The following IGF2R variants were observed in gnomAD, a reference collection of about 807,000 sequenced individuals.
IGF2R encodes insulin like growth factor 2 receptor.
A neutral mutation model predicts 270.6 loss-of-function variants in IGF2R; 91 were observed. That is an observed-to-expected ratio of 0.34 (90% CI 0.28 to 0.40). The LOEUF (loss-of-function observed/expected upper bound fraction) is 0.40. Ranked by LOEUF, IGF2R falls within the 10% of genes least tolerant of loss-of-function variation. The pLI is 1.00. For synonymous variants in IGF2R, 1,316 were observed against 1,258.9 expected (o/e 1.05, Z -0.96); for missense variants, 2,805 against 3,188.3 (o/e 0.88, Z 2.90).
intron 1 of IGF2R, among the ~76,000 whole-genome samples, chr6:159,975,619 G>A (rs1783679035): frequency 1.3e-5 from 2 of 149,694 alleles, no homozygotes; most frequent in South Asian, 4.2e-4. Context: ...CCAATACTAG[G>A]ACTGTGGAAG....
intron 1 of IGF2R, among the ~76,000 whole-genome samples, chr6:159,981,983 T>C (rs1172718814): frequency 5.3e-5 from 8 of 152,360 alleles, no homozygotes; most frequent in African/African-American, 1.9e-4. Context: ...TGTATCTTTG[T>C]CCACAGCTTT....
In IGF2R at chr6:160,008,970, A is replaced by G. The variant is rs762718357; in HGVS notation, c.290-40A>G. ...CTTGGAAATAGCTGTTTGGTTATGTATGTTTTATAGCCTGTTCACTCTCTT... is the reference window on the plus strand; with the variant it reads ...CTTGGAAATAGCTGTTTGGTTATGTGTGTTTTATAGCCTGTTCACTCTCTT... On this transcript the variant is annotated intron_variant, in intron 2 of 47. Coordinates refer to ENST00000356956, the MANE Select transcript of IGF2R (RefSeq NM_000876.4). 5 of 1,606,954 alleles carry G rather than the reference A, an allele frequency of 3.1e-6. No individual in the cohort carries two copies. In the Admixed American group the frequency reaches 6.7e-5, roughly 22 times the overall value.
chr6:160,008,953 T>C (rs1037211934), intron 2 of IGF2R, 57 bp from the exon 3 acceptor site: 46 of 1,562,754 alleles, frequency 2.9e-5, no homozygotes, highest in Non-Finnish European at 4.0e-5. Context: ...TCCTTGGAAA[T>C]AGCTGTTTGG....
intron 18 of IGF2R, among the ~76,000 whole-genome samples, chr6:160,048,830 CT>C (rs1778129229): frequency 6.6e-6 from 1 of 152,208 alleles, no homozygotes; most frequent in Non-Finnish European, 1.5e-5. Context: ...TCAAAAGTGT[CT>C]TTAGGTGCTT....
chr6:160,087,300 TAGAG>T (rs1379142678), intron 41 of IGF2R, among the ~76,000 whole-genome samples: 4 of 152,224 alleles, frequency 2.6e-5, no homozygotes, highest in African/African-American at 7.2e-5. Context: ...CCTAATATGA[TAGAG>T]AGAGTTTACA....
chr6:160,012,771 T>G (rs200970781), intron 4 of IGF2R, among the ~76,000 whole-genome samples: 2,494 of 118,762 alleles, frequency 0.021, 186 homozygotes, highest in Middle Eastern at 0.029. Context: ...ATATTTTTTT[T>G]TTTTTTTGTT....
chr6:160,086,042 C>T (rs1200713680), intron 41 of IGF2R, among the ~76,000 whole-genome samples: 9 of 152,154 alleles, frequency 5.9e-5, no homozygotes, highest in African/African-American at 1.9e-4. Flanking sequence ...TATGGATATT[C>T]GACTAGTCTT....
chr6:160,005,929 C>T (rs2115198057), intron 2 of IGF2R: 1 of 160,804 alleles, frequency 6.2e-6, no homozygotes, highest in Non-Finnish European at 1.4e-5. Flanking sequence ...CGTGCCTCCC[C>T]GCACCTTTTG....
intron 25 of IGF2R, among the ~76,000 whole-genome samples, chr6:160,062,254 A>C (rs1583286341): frequency 6.8e-6 from 1 of 146,694 alleles, no homozygotes; most frequent in Non-Finnish European, 1.5e-5. Flanking sequence ...GCTCACTGCA[A>C]CCTCCGCCCC....
At chr6:159,972,776 T>G (rs956148028) in intron 1 of IGF2R, among the ~76,000 whole-genome samples, 1 of 152,228 alleles carries the variant, frequency 6.6e-6, no homozygotes, top group Non-Finnish European at 1.5e-5. Flanking sequence ...TTTAACTGTG[T>G]CCGTGCACGT....
chr6:159,987,633 G>A (rs1342597011), intron 1 of IGF2R, among the ~76,000 whole-genome samples: 4 of 152,096 alleles, frequency 2.6e-5, no homozygotes, highest in African/African-American at 9.7e-5. Flanking sequence ...CTCGTGATCT[G>A]CATGCCTCAG....
chr6:159,977,779 G>A (rs778953323), intron 1 of IGF2R, among the ~76,000 whole-genome samples: 91 of 152,232 alleles, frequency 6.0e-4, no homozygotes, highest in Middle Eastern at 3.4e-3. Flanking sequence ...CTTCCTTTCC[G>A]TGTGTGTCCA....
At chr6:160,028,880 T>C (rs558795456) in intron 6 of IGF2R, among the ~76,000 whole-genome samples, 1 of 152,178 alleles carries the variant, frequency 6.6e-6, no homozygotes. Flanking sequence ...TTTGCTTGTT[T>C]TAGTCAAATG....
intron 4 of IGF2R, among the ~76,000 whole-genome samples, chr6:160,013,452 A>G (rs902990373): frequency 2.6e-5 from 4 of 151,008 alleles, no homozygotes; most frequent in African/African-American, 9.7e-5. Context: ...TCTGTGTTCT[A>G]AATAGTTTTT....
intron 44 of IGF2R, among the ~76,000 whole-genome samples, chr6:160,092,921 G>C (rs189695167): frequency 1.4e-4 from 22 of 152,306 alleles, no homozygotes; most frequent in Admixed American, 1.0e-3. Context: ...GTCCACACAA[G>C]GGTTCCTCAC....
chr6:159,997,152 TG>T (rs1784065566), intron 2 of IGF2R, among the ~76,000 whole-genome samples: 2 of 152,322 alleles, frequency 1.3e-5, no homozygotes, highest in Admixed American at 1.3e-4. Flanking sequence ...CCACAAGCCA[TG>T]CTCCTGGGCA....
chr6:160,068,516 G>C lies in IGF2R; in HGVS notation c.4252+131G>C, dbSNP rs1441231326. On this transcript the variant is annotated intron_variant, in intron 30 of 47. Coordinates refer to ENST00000356956, the MANE Select transcript of IGF2R (RefSeq NM_000876.4). ...CACAGGCTGGCACTGGTGAGAGAGG[G>C]CCTCCTCGTGGGGTGGTGTTTGCTG... 6.9e-6 allele frequency: 10 copies of C among 1,447,070 alleles called. No individual in the cohort carries two copies. The African/African-American group carries it at 1.4e-4, about 20-fold the overall frequency. 89.6% of individuals were successfully genotyped at this position (1,447,070 alleles called of 1,614,324 possible). A position where few individuals can be genotyped will look rare whatever the true frequency, so the allele number is the denominator to read the frequency against.
chr6:160,023,980 G>C (rs1372755412), intron 4 of IGF2R, among the ~76,000 whole-genome samples: 1 of 152,188 alleles, frequency 6.6e-6, no homozygotes, highest in African/African-American at 2.4e-5. Flanking sequence ...CAAGCCACAG[G>C]AGAAGGGGTT....
chr6:159,997,554 C>T (rs774824098), intron 2 of IGF2R, among the ~76,000 whole-genome samples: 6 of 152,196 alleles, frequency 3.9e-5, no homozygotes, highest in African/African-American at 1.2e-4. Flanking sequence ...TACCAGCAGT[C>T]GACCACAGAG....
Sources: allele counts gnomAD v4.1 joint callset (sites outside exome capture counted in the v4.1 genomes callset), GRCh38; gene constraint gnomAD v4.1.1; transcripts MANE v1.5; gene names NCBI Gene and HGNC (gene_info 2026-07-23, HGNC 2026-07-21).